The following LRRC2 variants were observed in gnomAD, a reference collection of about 807,000 sequenced individuals.
LRRC2 encodes the protein leucine-rich repeat-containing protein 2.
A neutral mutation model predicts 40.2 loss-of-function variants in LRRC2; 27 were observed. The ratio of observed to expected loss-of-function variants is 0.67; its 90% CI spans 0.49 to 0.93. LRRC2 has a LOEUF of 0.93. Among genes scored for constraint, LRRC2 ranks in the 40% least tolerant of loss-of-function variants. LRRC2 has a pLI of 0.00. For missense variants in LRRC2, 402 were observed against 439.6 expected (o/e 0.91, Z 0.76); for synonymous variants, 147 against 158.9 (o/e 0.92, Z 0.56).
chr3:46,522,760 A>AACACACACACACACACAC lies in LRRC2; in HGVS notation c.930-1120_930-1103dup, dbSNP rs71098411. 9.1e-4 allele frequency among the ~76,000 whole-genome samples: 131 copies of AACACACACACACACACAC among 143,430 alleles called. 1 individual carries two copies. The highest frequency in any genetic ancestry group is 1.3e-3 in the South Asian group (6 of 4,480). 94.1% of individuals were successfully genotyped at this position (143,430 alleles called of 152,430 possible). ...ATTAAATAAAAGATGAACTACTGCTAACACACACACACACACACACACACA... is the reference window on the plus strand; with the variant it reads ...ATTAAATAAAAGATGAACTACTGCTAACACACACACACACACACACACACACACACACACACACACACA... On this transcript the variant is annotated intron_variant, in intron 7 of 8. Transcript: ENST00000395905.
chr3:46,563,141 C>T (rs891834105), intron 1 of LRRC2, among the ~76,000 whole-genome samples: 7 of 152,250 alleles, frequency 4.6e-5, no homozygotes, highest in Middle Eastern at 3.4e-3. Context: ...CAGTTATCAC[C>T]TACATCTTAG....
Position 46,545,021 on chromosome 3 carries a change from T to C in LRRC2, c.333+25A>G, listed in dbSNP as rs754371303. ...AGCAGTCATCGACCACAGCACTGCA[T>C]TGGGCGAGAACTGCCTCGACTCACC... On this transcript the variant is annotated intron_variant, in intron 3 of 8. Transcript: ENST00000395905. 13 of 1,604,380 alleles carry C rather than the reference T, an allele frequency of 8.1e-6. No individual in the cohort carries two copies. The Admixed American group carries it at 1.2e-4, about 14-fold the overall frequency.
At chr3:46,557,298 A>AC (rs1485588276) in intron 1 of LRRC2, 1 of 148,420 alleles carries the variant, frequency 6.7e-6, no homozygotes, top group African/African-American at 2.5e-5. Flanking sequence ...GCACCTTGCG[A>AC]CCCCCACTCC....
chr3:46,561,196 A>G (rs1290288545), intron 1 of LRRC2, among the ~76,000 whole-genome samples: 4 of 151,962 alleles, frequency 2.6e-5, no homozygotes, highest in African/African-American at 9.7e-5. Context: ...ACATTCTCAG[A>G]ACAAGAGGGA....
chr3:46,528,396 G>A (rs1016643113), intron 6 of LRRC2, among the ~76,000 whole-genome samples: 1 of 151,778 alleles, frequency 6.6e-6, no homozygotes, highest in Non-Finnish European at 1.5e-5. Context: ...CTCCCAAAGT[G>A]CTAGTATTAC....
chr3:46,554,612 AG>A (rs1466149424), intron 1 of LRRC2, among the ~76,000 whole-genome samples: 4 of 149,678 alleles, frequency 2.7e-5, no homozygotes, highest in Admixed American at 6.8e-5. Flanking sequence ...AGCGCACTCC[AG>A]TCTGGGAGAC....
intron 3 of LRRC2, among the ~76,000 whole-genome samples, chr3:46,544,737 C>T (rs142763579): frequency 2.6e-5 from 4 of 152,300 alleles, no homozygotes; most frequent in East Asian, 1.9e-4. Context: ...GAATGAAAGG[C>T]GCCGTCACTT....
chr3:46,543,549 G>C (rs1704444986), intron 3 of LRRC2, among the ~76,000 whole-genome samples: 1 of 151,854 alleles, frequency 6.6e-6, no homozygotes, highest in Admixed American at 6.6e-5. Flanking sequence ...CCGGGAGGCG[G>C]AGCTTGCAGC....
intron 5 of LRRC2, among the ~76,000 whole-genome samples, chr3:46,531,317 G>A (rs1380938297): frequency 6.6e-6 from 1 of 151,968 alleles, no homozygotes; most frequent in Non-Finnish European, 1.5e-5. Context: ...GGGGAGGAGT[G>A]ATGGAAAAGG....
intron 7 of LRRC2, among the ~76,000 whole-genome samples, chr3:46,526,949 G>C (rs1704069760): frequency 1.3e-5 from 2 of 152,380 alleles, no homozygotes; most frequent in South Asian, 4.1e-4. Context: ...CATTTCAGGG[G>C]AGGGCGGAGC....
chr3:46,536,256 T>C (rs1704267948), intron 4 of LRRC2, among the ~76,000 whole-genome samples: 1 of 152,222 alleles, frequency 6.6e-6, no homozygotes, highest in South Asian at 2.1e-4. Context: ...CTTTCTAGAA[T>C]GTTTGAATAG....
chr3:46,562,359 A>G (rs1457997645), intron 1 of LRRC2, among the ~76,000 whole-genome samples: 2 of 152,204 alleles, frequency 1.3e-5, no homozygotes, highest in African/African-American at 4.8e-5. Context: ...CATCTTGACC[A>G]CAACTTCATG....
At chr3:46,527,763 T>C (rs1419497144) in intron 6 of LRRC2, among the ~76,000 whole-genome samples, 182 bp from the exon 7 acceptor site, 1 of 152,096 alleles carries the variant, frequency 6.6e-6, no homozygotes, top group Non-Finnish European at 1.5e-5. Context: ...GGTGTTATTA[T>C]GTTGCCCAGG....
At chr3:46,536,294 G>A (rs1326210846) in intron 4 of LRRC2, among the ~76,000 whole-genome samples, 3 of 152,126 alleles carry the variant, frequency 2.0e-5, no homozygotes. Context: ...GAGGTCTGTG[G>A]GGATGACATC....
At chr3:46,540,648 G>A (rs75704767) in intron 3 of LRRC2, among the ~76,000 whole-genome samples, 1,665 of 152,264 alleles carry the variant, frequency 0.011, 31 homozygotes, top group African/African-American at 0.037. Context: ...AGAGCCTAGT[G>A]CAAAATGAAA....
At chr3:46,556,208 C>T (rs1156927442) in intron 1 of LRRC2, among the ~76,000 whole-genome samples, 1 of 152,072 alleles carries the variant, frequency 6.6e-6, no homozygotes, top group East Asian at 1.9e-4. Flanking sequence ...CAGCCTCAAC[C>T]TCCTAGGCTC....
intron 2 of LRRC2, among the ~76,000 whole-genome samples, chr3:46,546,499 T>G (rs897221955): frequency 1.1e-4 from 16 of 152,262 alleles, no homozygotes; most frequent in African/African-American, 3.9e-4. Context: ...CACAGATGGA[T>G]AGCCTTTTCC....
chr3:46,546,232 A>G (rs1296324729), intron 2 of LRRC2, among the ~76,000 whole-genome samples: 2 of 152,372 alleles, frequency 1.3e-5, no homozygotes, highest in Non-Finnish European at 1.5e-5. Flanking sequence ...GATAAGCCCC[A>G]TGGTCAAGGA....
intron 1 of LRRC2, among the ~76,000 whole-genome samples, chr3:46,555,308 T>C (rs2107047839): frequency 6.6e-6 from 1 of 152,286 alleles, no homozygotes; most frequent in South Asian, 2.1e-4. Context: ...CAATTCTGAC[T>C]ATCTCTATCT....
Sources: allele counts gnomAD v4.1 joint callset (sites outside exome capture counted in the v4.1 genomes callset), GRCh38; gene constraint gnomAD v4.1.1; transcripts MANE v1.5; gene names NCBI Gene and HGNC (gene_info 2026-07-23, HGNC 2026-07-21).